Variants in PACS1 observed in about 807,000 individuals in gnomAD.
PACS1 encodes the protein phosphofurin acidic cluster sorting protein 1.
PACS1 carries 24 observed loss-of-function variants against 115.0 expected under a neutral mutation model. That is an observed-to-expected ratio of 0.21 (90% confidence interval 0.15 to 0.29). The LOEUF (loss-of-function observed/expected upper bound fraction) is 0.29. Ranked by LOEUF, PACS1 falls within the 10% of genes least tolerant of loss-of-function variation. The pLI is 1.00. For missense variants in PACS1, 838 were observed against 1,251.2 expected (o/e 0.67, Z 4.98); for synonymous variants, 453 against 504.5 (o/e 0.90, Z 1.37).
At chr11:66,156,918 G>A (rs1402582260) in intron 1 of PACS1, among the ~76,000 whole-genome samples, 2 of 151,950 alleles carry the variant, frequency 1.3e-5, no homozygotes, top group Non-Finnish European at 2.9e-5. Context: ...CTCTCTAGGT[G>A]ATGATTATAC....
chr11:66,125,540 C>G (rs928573271), intron 1 of PACS1, among the ~76,000 whole-genome samples: 11 of 152,096 alleles, frequency 7.2e-5, no homozygotes, highest in Admixed American at 5.9e-4. Context: ...AGTGATTTTC[C>G]AGGGTCAGAG....
At chr11:66,158,617 C>T (rs542162378) in intron 1 of PACS1, among the ~76,000 whole-genome samples, 13 of 152,252 alleles carry the variant, frequency 8.5e-5, no homozygotes, top group Non-Finnish European at 1.5e-4. Flanking sequence ...GGGAGTATTG[C>T]GTGAGCCCAG....
chr11:66,221,577 C>T (rs1450832123), intron 10 of PACS1: 2 of 196,034 alleles, frequency 1.0e-5, no homozygotes, highest in Non-Finnish European at 2.1e-5. Context: ...AGCCGGGAGG[C>T]GGAGGTTGCA....
At chr11:66,129,657 TCAGAAGTGTGAGG>T (rs1565117737) in intron 1 of PACS1, among the ~76,000 whole-genome samples, 1 of 151,908 alleles carries the variant, frequency 6.6e-6, no homozygotes, top group South Asian at 2.1e-4. Context: ...ATCAGTAGTG[TCAGAAGTGTGAGG>T]CACCCAGCAC....
intron 21 of PACS1, among the ~76,000 whole-genome samples, chr11:66,240,174 G>A (rs59973646): frequency 1.7e-3 from 254 of 152,348 alleles, no homozygotes; most frequent in African/African-American, 5.6e-3. Flanking sequence ...TGGAGCCGGC[G>A]CGGGAGCAAG....
intron 1 of PACS1, among the ~76,000 whole-genome samples, chr11:66,081,416 C>CCGTCTTCCCT (rs372882832): frequency 6.6e-6 from 1 of 151,866 alleles, no homozygotes; most frequent in African/African-American, 2.4e-5. Context: ...TCCGTCTTCC[C>CCGTCTTCCCT]TGCCCCCCCC....
intron 1 of PACS1, among the ~76,000 whole-genome samples, chr11:66,175,796 A>G (rs1425454456): frequency 1.3e-5 from 2 of 152,230 alleles, no homozygotes; most frequent in Non-Finnish European, 2.9e-5. Context: ...CATTCAACCC[A>G]GAAACCTGAG....
At chr11:66,238,014 G>T (rs2134747007) in intron 19 of PACS1, 1 of 977,912 alleles carries the variant, frequency 1.0e-6, no homozygotes, top group Middle Eastern at 5.3e-4. Flanking sequence ...CTAGGCCTGG[G>T]CCCAGGTGAT....
At chr11:66,108,943 T>C (rs1339894313) in intron 1 of PACS1, among the ~76,000 whole-genome samples, 1 of 152,162 alleles carries the variant, frequency 6.6e-6, no homozygotes, top group Non-Finnish European at 1.5e-5. Flanking sequence ...TACTCCAGCC[T>C]GGATGACAGA....
chr11:66,110,446 GGACCACA>G (rs1858162447), intron 1 of PACS1, among the ~76,000 whole-genome samples: 2 of 152,026 alleles, frequency 1.3e-5, no homozygotes, highest in Non-Finnish European at 2.9e-5. Context: ...CGAGTAGCTG[GGACCACA>G]GGCACCTGCG....
intron 2 of PACS1, among the ~76,000 whole-genome samples, chr11:66,204,481 G>A (rs1854886426): frequency 6.6e-6 from 1 of 152,036 alleles, no homozygotes; most frequent in Non-Finnish European, 1.5e-5. Flanking sequence ...AAAATAGTAT[G>A]GAGTTTCCTC....
intron 1 of PACS1, among the ~76,000 whole-genome samples, chr11:66,185,025 C>G (rs1024895099): frequency 6.6e-6 from 1 of 152,160 alleles, no homozygotes; most frequent in Non-Finnish European, 1.5e-5. Context: ...GCCAGGAACT[C>G]TCGGCCTAAT....
chr11:66,224,235 T>G (rs1197743906), intron 10 of PACS1, among the ~76,000 whole-genome samples: 1 of 147,034 alleles, frequency 6.8e-6, no homozygotes, highest in African/African-American at 2.5e-5. Context: ...AGTGTCAGCC[T>G]TTATAATATG....
intron 1 of PACS1, among the ~76,000 whole-genome samples, chr11:66,109,479 C>T (rs1336230864): frequency 6.6e-6 from 1 of 152,152 alleles, no homozygotes; most frequent in African/African-American, 2.4e-5. Context: ...TACCACACAA[C>T]AGCATATGAG....
Position 66,070,935 on chromosome 11 carries a change from C to G in PACS1, c.356+93C>G. The G allele has an allele frequency of 8.1e-7, 1 of 1,232,618 alleles. No individual in the cohort carries two copies. Among genetic ancestry groups the G allele is most frequent in the Non-Finnish European group, 1.0e-6 (1 of 953,802 alleles). 76.4% of individuals were successfully genotyped at this position (1,232,618 alleles called of 1,614,324 possible). The stretch of plus-strand genomic sequence containing the variant: ...CCCCAGCGCCCATGGGGTCCCCGCC[C>G]TCCATCTCCCCGACTGTCCCGCGGC... On this transcript the variant is annotated intron_variant, in intron 1 of 23. Transcript: ENST00000320580. The surrounding 1 kb of genome is among the most constrained non-coding windows in gnomAD (Gnocchi z 5.9).
intron 1 of PACS1, among the ~76,000 whole-genome samples, chr11:66,179,145 C>A (rs1859943114): frequency 6.6e-6 from 1 of 152,116 alleles, no homozygotes; most frequent in Non-Finnish European, 1.5e-5. Context: ...AATACTGTCT[C>A]CCTGTGGTTT....
At chr11:66,085,292 A>T (rs1857546694) in intron 1 of PACS1, among the ~76,000 whole-genome samples, 1 of 152,172 alleles carries the variant, frequency 6.6e-6, no homozygotes. Flanking sequence ...CCTGCTGCAG[A>T]ATGATCTAAT....
At chr11:66,094,620 A>G (rs1247717401) in intron 1 of PACS1, among the ~76,000 whole-genome samples, 2 of 152,240 alleles carry the variant, frequency 1.3e-5, no homozygotes, top group Non-Finnish European at 2.9e-5. Flanking sequence ...CAGAGGTACA[A>G]GGAGGAACTG....
chr11:66,107,162 T>A (rs1160176158), intron 1 of PACS1, among the ~76,000 whole-genome samples: 1 of 152,230 alleles, frequency 6.6e-6, no homozygotes. Flanking sequence ...TCCCCCAGTC[T>A]GACCACCTAC....
Sources: allele counts gnomAD v4.1 joint callset (sites outside exome capture counted in the v4.1 genomes callset), GRCh38; gene constraint gnomAD v4.1.1; non-coding constraint Gnocchi (gnomAD v3.1); transcripts MANE v1.5; gene names NCBI Gene and HGNC (gene_info 2026-07-23, HGNC 2026-07-21).